The following SPOCK3 variants were observed in gnomAD, a reference collection of about 807,000 sequenced individuals.
SPOCK3 encodes testican-3.
A neutral mutation model predicts 56.6 loss-of-function variants in SPOCK3; 30 were observed. The ratio of observed to expected loss-of-function variants is 0.53; its 90% CI spans 0.40 to 0.72. The LOEUF (loss-of-function observed/expected upper bound fraction) is 0.72. Among genes scored for constraint, SPOCK3 ranks in the 30% least tolerant of loss-of-function variants. SPOCK3 has a pLI of 0.00. For missense variants in SPOCK3, 527 were observed against 530.0 expected, an observed-to-expected ratio of 0.99 and a Z score of 0.06; for synonymous variants, 196 against 183.3, an observed-to-expected ratio of 1.07 and a Z score of -0.56.
intron 6 of SPOCK3, among the ~76,000 whole-genome samples, chr4:166,821,143 A>G (rs2198742): frequency 0.74 from 112,273 of 151,878 alleles, 41,549 homozygotes; most frequent in East Asian, 0.82. Flanking sequence ...AAATCAAATT[A>G]AAAATATAAA....
intron 2 of SPOCK3, among the ~76,000 whole-genome samples, chr4:167,191,033 T>C (rs1050543317): frequency 4.1e-5 from 6 of 145,902 alleles, no homozygotes; most frequent in Non-Finnish European, 9.0e-5. Flanking sequence ...CTTTGCTTTG[T>C]AGTATATTTT....
chr4:166,933,057 T>A (rs993115001), intron 4 of SPOCK3, among the ~76,000 whole-genome samples: 3 of 152,182 alleles, frequency 2.0e-5, no homozygotes, highest in East Asian at 3.9e-4. Flanking sequence ...GGAATTTTTT[T>A]AATGTGATTG....
intron 2 of SPOCK3, among the ~76,000 whole-genome samples, chr4:167,161,060 A>C (rs1489185847): frequency 6.6e-6 from 1 of 152,190 alleles, no homozygotes; most frequent in African/African-American, 2.4e-5. Context: ...TAATTAAACT[A>C]AAGAGCTTCT....
chr4:166,981,013 G>C (rs535365900), intron 4 of SPOCK3, among the ~76,000 whole-genome samples: 1 of 152,300 alleles, frequency 6.6e-6, no homozygotes, highest in African/African-American at 2.4e-5. Context: ...GGAAGAATGA[G>C]GTACATGGAC....
At chr4:167,123,090 G>C (rs945542963) in intron 2 of SPOCK3, among the ~76,000 whole-genome samples, 5 of 151,780 alleles carry the variant, frequency 3.3e-5, no homozygotes, top group Non-Finnish European at 4.4e-5. Flanking sequence ...ACAGAATAAA[G>C]AAAGTTAAAA....
chr4:167,096,446 G>A (rs574216912), intron 2 of SPOCK3, among the ~76,000 whole-genome samples: 19 of 151,870 alleles, frequency 1.3e-4, no homozygotes, highest in South Asian at 6.2e-4. Context: ...ATTTGGGTAA[G>A]TTGTAACTTC....
intron 2 of SPOCK3, among the ~76,000 whole-genome samples, chr4:167,117,820 A>G (rs1188505207): frequency 6.6e-6 from 1 of 152,190 alleles, no homozygotes; most frequent in Non-Finnish European, 1.5e-5. Context: ...CTCATTCTGC[A>G]TCTTTGAAAC....
At chr4:166,896,522 C>T (rs1378161176) in intron 5 of SPOCK3, among the ~76,000 whole-genome samples, 1 of 152,112 alleles carries the variant, frequency 6.6e-6, no homozygotes, top group Admixed American at 6.5e-5. Flanking sequence ...GGAAGAGATA[C>T]TCCCACACAA....
At chr4:167,105,051 A>C (rs1319503407) in intron 2 of SPOCK3, among the ~76,000 whole-genome samples, 2 of 152,120 alleles carry the variant, frequency 1.3e-5, no homozygotes, top group Non-Finnish European at 2.9e-5. Context: ...AAGCTTTCTA[A>C]GACAAACAAA....
intron 5 of SPOCK3, among the ~76,000 whole-genome samples, chr4:166,906,262 AT>A (rs1736594728): frequency 6.6e-6 from 1 of 152,074 alleles, no homozygotes; most frequent in Non-Finnish European, 1.5e-5. Context: ...GGACCATTTC[AT>A]TTTTGACAAA....
intron 2 of SPOCK3, among the ~76,000 whole-genome samples, chr4:167,182,635 G>A (rs1699746090): frequency 6.6e-6 from 1 of 151,968 alleles, no homozygotes. Context: ...TGCCTCCTGG[G>A]TTCAAGCGAT....
chr4:167,090,838 T>G (rs1049265436), intron 2 of SPOCK3, among the ~76,000 whole-genome samples: 5 of 148,176 alleles, frequency 3.4e-5, no homozygotes, highest in African/African-American at 1.2e-4. Context: ...TACTAACCTG[T>G]TTTTTTTTTC....
chr4:166,945,871 CCTT>C (rs1741668178), intron 4 of SPOCK3, among the ~76,000 whole-genome samples: 1 of 152,176 alleles, frequency 6.6e-6, no homozygotes, highest in Non-Finnish European at 1.5e-5. Context: ...AGCCTTCACA[CCTT>C]CTCCACCTGA....
At chr4:166,929,500 A>G (rs1341788700) in intron 4 of SPOCK3, among the ~76,000 whole-genome samples, 2 of 152,134 alleles carry the variant, frequency 1.3e-5, no homozygotes, top group African/African-American at 2.4e-5. Context: ...TCTCCCTAGA[A>G]GATTTCAGGG....
intron 4 of SPOCK3, among the ~76,000 whole-genome samples, chr4:166,939,313 T>C (rs952021204): frequency 6.6e-6 from 1 of 152,152 alleles, no homozygotes; most frequent in African/African-American, 2.4e-5. Flanking sequence ...CATTTATTCT[T>C]TCCATACATA....
intron 5 of SPOCK3, among the ~76,000 whole-genome samples, chr4:166,900,535 T>C (rs963677223): frequency 2.0e-5 from 3 of 152,162 alleles, no homozygotes; most frequent in Admixed American, 1.3e-4. Flanking sequence ...ATTTTAAACA[T>C]TGAGAATTTC....
In SPOCK3 at chr4:166,795,812, T is replaced by C. The variant is rs375741507; in HGVS notation, c.590-3523A>G. Among the ~76,000 whole-genome samples the C allele has an allele frequency of 7.6e-4, 115 of 152,274 alleles. No individual in the cohort carries two copies. In the Middle Eastern group the frequency reaches 0.01, roughly 14 times the overall value. On this transcript the variant is annotated intron_variant, in intron 6 of 10. Coordinates refer to ENST00000357545, the MANE Select transcript of SPOCK3 (RefSeq NM_001040159.2). The stretch of plus-strand genomic sequence containing the variant: ...ACATTTTAATAGGCACAAAACTCTC[T>C]GCCTATTACAAAAATCTCTTAAAAT...
At chr4:166,748,301 GA>G (rs1376749530) in intron 8 of SPOCK3, among the ~76,000 whole-genome samples, 3 of 137,024 alleles carry the variant, frequency 2.2e-5, no homozygotes, top group Admixed American at 7.0e-5. Flanking sequence ...TAGACCAGTG[GA>G]ACAGAACAGA....
At chr4:166,967,973 C>A (rs552046913) in intron 4 of SPOCK3, among the ~76,000 whole-genome samples, 3 of 152,110 alleles carry the variant, frequency 2.0e-5, no homozygotes, top group African/African-American at 7.2e-5. Flanking sequence ...TGGGAACTAG[C>A]GTAAAGATCA....
Sources: allele counts gnomAD v4.1 joint callset (sites outside exome capture counted in the v4.1 genomes callset), GRCh38; gene constraint gnomAD v4.1.1; transcripts MANE v1.5; gene names NCBI Gene and HGNC (gene_info 2026-07-23, HGNC 2026-07-21).